Variants in COQ9 observed in about 807,000 individuals in gnomAD.
COQ9 encodes the protein ubiquinone biosynthesis protein COQ9, mitochondrial.
COQ9 carries 35 observed loss-of-function variants against 42.4 expected under a neutral mutation model. The observed-to-expected ratio is 0.83, with a 90% CI of 0.63 to 1.10. The LOEUF (loss-of-function observed/expected upper bound fraction) is 1.10. COQ9 is among the 50% of genes least tolerant of loss of function. The pLI is 0.00. For missense variants in COQ9, 406 were observed against 414.6 expected (o/e 0.98, Z 0.18); for synonymous variants, 155 against 155.1 (o/e 1.00, Z 0.00).
intron 3 of COQ9, chr16:57,454,286 C>T (rs879659732): frequency 6.6e-6 from 1 of 152,192 alleles, no homozygotes; most frequent in Non-Finnish European, 1.5e-5. Context: ...TAAGAAGCAC[C>T]ATTTTTAAGT....
intron 6 of COQ9, 51 bp downstream of exon 6, chr16:57,458,401 C>A: frequency 7.5e-7 from 1 of 1,325,742 alleles, no homozygotes; most frequent in Non-Finnish European, 1.1e-6. Context: ...TTGTGTTAAG[C>A]ATTTCTTCAA....
At chr16:57,459,961 G>C (rs1230755347) in intron 7 of COQ9, 90 bp from the exon 8 acceptor site, 2 of 1,280,914 alleles carry the variant, frequency 1.6e-6, no homozygotes, top group Non-Finnish European at 1.1e-6. Context: ...TTCACCTTTT[G>C]GGGCTCATAG....
chr16:57,450,363 C>T (rs2030255124), intron 1 of COQ9, among the ~76,000 whole-genome samples: 1 of 142,098 alleles, frequency 7.0e-6, no homozygotes, highest in South Asian at 2.2e-4. Flanking sequence ...TGCAGTGAGC[C>T]GAGATAATCT....
chr16:57,457,956 A>G (rs1277921450), intron 5 of COQ9, among the ~76,000 whole-genome samples: 1 of 152,200 alleles, frequency 6.6e-6, no homozygotes, highest in Non-Finnish European at 1.5e-5. Context: ...ATCTTTGCCC[A>G]TCCTTGCTTA....
intron 1 of COQ9, among the ~76,000 whole-genome samples, chr16:57,450,610 G>A (rs1347136798): frequency 6.6e-6 from 1 of 152,110 alleles, no homozygotes; most frequent in African/African-American, 2.4e-5. Flanking sequence ...GAGTAGGGCT[G>A]AGACATTAAA....
chr16:57,460,243 C>G, intron 8 of COQ9, 139 bp downstream of exon 8: 1 of 952,266 alleles, frequency 1.1e-6, no homozygotes, highest in Admixed American at 2.0e-5. Flanking sequence ...TGGTTCAGCC[C>G]TAGTGTCTTG....
At chr16:57,458,167 C>T in intron 5 of COQ9, 79 bp from the exon 6 acceptor site, 2 of 1,086,112 alleles carry the variant, frequency 1.8e-6, no homozygotes, top group Non-Finnish European at 2.8e-6. Flanking sequence ...CCTCATACAC[C>T]TCTTGGAGAG....
chr16:57,458,379 G>A, intron 6 of COQ9, 29 bp downstream of exon 6: 1 of 1,480,156 alleles, frequency 6.8e-7, no homozygotes, highest in Non-Finnish European at 9.4e-7. Flanking sequence ...CCCACAGGAG[G>A]CTGGGAAAGG....
intron 1 of COQ9, among the ~76,000 whole-genome samples, chr16:57,449,650 T>C (rs534639539): frequency 1.1e-3 from 168 of 152,090 alleles, no homozygotes; most frequent in African/African-American, 3.2e-3. Flanking sequence ...TATATATATA[T>C]ACACACACAT....
chr16:57,456,797 C>T, intron 4 of COQ9, 134 bp from the exon 5 acceptor site: 1 of 1,318,154 alleles, frequency 7.6e-7, no homozygotes, highest in Non-Finnish European at 1.1e-6. Context: ...AACCTGGCAG[C>T]CTGTCTCTGA....
intron 5 of COQ9, 35 bp from the exon 6 acceptor site, chr16:57,458,211 G>T (rs1431218354): frequency 4.1e-5 from 60 of 1,459,060 alleles, no homozygotes; most frequent in Admixed American, 5.4e-5. Flanking sequence ...CATTACCTGT[G>T]AGCAGAGCTT....
In COQ9 at chr16:57,460,740, G is replaced by A; in HGVS notation, c.*116G>A. ...TGGTGTTCACGAGAACACACTAAAG[G>A]ACTCCTGAGTCACTACCACAGCCAC... On this transcript the variant is annotated 3_prime_UTR_variant, in exon 9 of 9. Coordinates refer to ENST00000262507, the MANE Select transcript of COQ9 (RefSeq NM_020312.4). The A allele has an allele frequency of 1.0e-6, 1 of 965,972 alleles. No homozygotes were observed. The highest frequency in any genetic ancestry group is 2.6e-5 in the East Asian group (1 of 38,610). 59.8% of individuals were successfully genotyped at this position (965,972 alleles called of 1,614,324 possible).
chr16:57,453,334 A>G, intron 3 of COQ9: 1 of 319,430 alleles, frequency 3.1e-6, no homozygotes, highest in South Asian at 2.8e-5. Context: ...AATGAAAAAT[A>G]TATCTGCATC....
At chr16:57,450,848 A>T in intron 1 of COQ9, 192 bp from the exon 2 acceptor site, 2 of 668,602 alleles carry the variant, frequency 3.0e-6, no homozygotes, top group Admixed American at 2.2e-5. Flanking sequence ...TTCCTGGCTT[A>T]CCACTTTTGC....
rs1170491779 is a variant in COQ9 at position 57,461,115 on chromosome 16, T to C, written c.*491T>C. On this transcript the variant is annotated 3_prime_UTR_variant, in exon 9 of 9. Coordinates refer to ENST00000262507, the MANE Select transcript of COQ9 (RefSeq NM_020312.4). ...CCTCTCAGGTGTCCTGAGATGCTGT[T>C]CCTGGGAGCCCCCTCAGAAAACTGC... The C allele has an allele frequency of 2.2e-6, 1 of 454,710 alleles. No homozygotes were observed. The allele number at this position is 454,710 out of a possible 1,614,324, so 28.2% of individuals were successfully genotyped here. A position where few individuals can be genotyped will look rare whatever the true frequency, so the allele number is the denominator to read the frequency against.
intron 4 of COQ9, 89 bp from the exon 5 acceptor site, chr16:57,456,842 G>T: frequency 7.4e-7 from 1 of 1,356,524 alleles, no homozygotes; most frequent in South Asian, 1.2e-5. Context: ...GAGCTGGTGG[G>T]ACCCTCCTCC....
intron 7 of COQ9, 87 bp downstream of exon 7, chr16:57,459,807 C>A: frequency 6.6e-7 from 1 of 1,508,744 alleles, no homozygotes; most frequent in Non-Finnish European, 9.2e-7. Context: ...CCCTTTTGGC[C>A]TCAGCTGACA....
At chr16:57,448,326 A>G (rs188998104) in intron 1 of COQ9, among the ~76,000 whole-genome samples, 1 of 149,406 alleles carries the variant, frequency 6.7e-6, no homozygotes, top group African/African-American at 2.5e-5. Context: ...GGCACATACT[A>G]TTCTGTTTCT....
intron 5 of COQ9, chr16:57,457,363 C>G (rs1477722783): frequency 5.3e-6 from 2 of 376,310 alleles, no homozygotes; most frequent in African/African-American, 4.2e-5. Flanking sequence ...GCTGTCTTCA[C>G]TTGAATAACA....
Sources: gnomAD v4.1 joint callset for allele counts (sites outside exome capture counted in the v4.1 genomes callset) on GRCh38, gnomAD v4.1.1 for gene constraint, MANE v1.5 for transcripts, NCBI Gene and HGNC (gene_info 2026-07-23, HGNC 2026-07-21) for gene names.